GRM5: variants seen among roughly 807,000 people sequenced by gnomAD.
GRM5 encodes metabotropic glutamate receptor 5.
Under a neutral mutation model 83.1 loss-of-function variants are expected in GRM5, and 19 were observed. The ratio of observed to expected loss-of-function variants is 0.23; its 90% CI spans 0.16 to 0.34. GRM5 has a LOEUF of 0.34. Ranked by LOEUF, GRM5 falls within the 10% of genes least tolerant of loss-of-function variation. The pLI, the probability that GRM5 is intolerant of heterozygous loss-of-function variation, is 1.00. For synonymous variants in GRM5, 675 were observed against 633.6 expected, an observed-to-expected ratio of 1.07 and a Z score of -0.98; for missense variants, 1,160 against 1,588.3, an observed-to-expected ratio of 0.73 and a Z score of 4.58.
intron 3 of GRM5, among the ~76,000 whole-genome samples, chr11:88,681,112 T>C (rs1940474532): frequency 6.6e-6 from 1 of 152,190 alleles, no homozygotes; most frequent in South Asian, 2.1e-4. Flanking sequence ...CTCTTGTCAG[T>C]ATTTCAATTT....
intron 4 of GRM5, among the ~76,000 whole-genome samples, chr11:88,625,004 A>G (rs1360788701): frequency 6.6e-6 from 1 of 152,194 alleles, no homozygotes; most frequent in Non-Finnish European, 1.5e-5. Context: ...TATGTGATAC[A>G]GTCTTACCAA....
At chr11:88,966,758 C>G (rs747935483) in intron 2 of GRM5, among the ~76,000 whole-genome samples, 1 of 152,110 alleles carries the variant, frequency 6.6e-6, no homozygotes, top group East Asian at 1.9e-4. Context: ...AGTCTCCCCC[C>G]TGGGTATGAG....
intron 2 of GRM5, among the ~76,000 whole-genome samples, chr11:88,877,847 A>AGC (rs879593420): frequency 0.23 from 33,444 of 145,230 alleles, 4,260 homozygotes; most frequent in South Asian, 0.5. Context: ...AAAAAGCAGA[A>AGC]AGAAAGAAAG....
chr11:88,561,070 G>T (rs1278190425), intron 8 of GRM5, among the ~76,000 whole-genome samples: 1 of 152,072 alleles, frequency 6.6e-6, no homozygotes, highest in African/African-American at 2.4e-5. Context: ...TAAAGAACGA[G>T]AAATAGCATG....
chr11:88,615,519 C>G (rs77545829), intron 4 of GRM5, among the ~76,000 whole-genome samples: 1 of 151,980 alleles, frequency 6.6e-6, no homozygotes, highest in African/African-American at 2.4e-5. Context: ...CATGGCTGAC[C>G]TTTCACCTTC....
chr11:88,524,214 CTTT>C (rs71470770), intron 9 of GRM5, among the ~76,000 whole-genome samples: 7 of 101,382 alleles, frequency 6.9e-5, no homozygotes, highest in African/African-American at 2.7e-4. Context: ...TTCTTTCTTT[CTTT>C]TTTTTTTTTT....
At chr11:88,583,047 T>C (rs1002441508) in intron 7 of GRM5, among the ~76,000 whole-genome samples, 6 of 152,012 alleles carry the variant, frequency 3.9e-5, no homozygotes, top group Non-Finnish European at 5.9e-5. Context: ...CTTAAGATAG[T>C]TATAATAATT....
intron 3 of GRM5, among the ~76,000 whole-genome samples, chr11:88,721,979 A>G (rs1347937778): frequency 2.0e-5 from 3 of 152,154 alleles, no homozygotes; most frequent in African/African-American, 7.2e-5. Context: ...CTAAATGACT[A>G]GTGATATCTA....
At chr11:88,957,503 G>C (rs1402415137) in intron 2 of GRM5, among the ~76,000 whole-genome samples, 1 of 152,206 alleles carries the variant, frequency 6.6e-6, no homozygotes, top group Non-Finnish European at 1.5e-5. Flanking sequence ...AAACAACGGG[G>C]ATGAAGATAA....
chr11:88,549,468 A>T (rs1942456116), intron 8 of GRM5, among the ~76,000 whole-genome samples: 1 of 151,698 alleles, frequency 6.6e-6, no homozygotes, highest in Non-Finnish European at 1.5e-5. Context: ...CCCAAACAAA[A>T]CGAAACAAAC....
At position 88,933,181 on chromosome 11, in the gene GRM5, T is replaced by C. The variant is rs562778431; in HGVS notation, c.662-83026A>G. On this transcript the variant is annotated intron_variant, in intron 2 of 9. Transcript: ENST00000305447. ...ACCTCAGGTCTGCAATTCAAATATT[T>C]GGGGCATTTTTTTTTTTTTTTTTTT... 2.8e-3 allele frequency among the ~76,000 whole-genome samples: 341 copies of C among 121,940 alleles called. 2 individuals are homozygous for C. Among genetic ancestry groups the C allele is most frequent in the African/African-American group, 9.8e-3 (329 of 33,602 alleles). 80.0% of individuals were successfully genotyped at this position (121,940 alleles called of 152,430 possible).
chr11:88,764,253 T>C (rs566449375), intron 3 of GRM5, among the ~76,000 whole-genome samples: 220 of 151,788 alleles, frequency 1.4e-3, no homozygotes, highest in Non-Finnish European at 2.8e-3. Context: ...AGTCCTATCA[T>C]AACGGTTGCA....
chr11:88,634,330 A>G (rs1413833728), intron 4 of GRM5, among the ~76,000 whole-genome samples: 1 of 152,200 alleles, frequency 6.6e-6, no homozygotes, highest in Non-Finnish European at 1.5e-5. Context: ...TGTAACATTT[A>G]CTTTATAAAC....
At position 88,869,457 on chromosome 11, in the gene GRM5, T is replaced by G. The variant is rs181749651; in HGVS notation, c.662-19302A>C. 1.6e-3 allele frequency among the ~76,000 whole-genome samples: 248 copies of G among 151,796 alleles called. 1 individual carries two copies. Among genetic ancestry groups the G allele is most frequent in the African/African-American group, 5.7e-3 (237 of 41,518 alleles). ...AATGACTGTTCATAATCCCTTTTCC[T>G]GGAAATAGATCCCTGTTTCTCTGTT... On this transcript the variant is annotated intron_variant, in intron 2 of 9. Coordinates refer to ENST00000305447, the MANE Select transcript of GRM5 (RefSeq NM_001143831.3).
chr11:88,790,223 A>T (rs932238482), intron 3 of GRM5, among the ~76,000 whole-genome samples: 2 of 152,106 alleles, frequency 1.3e-5, no homozygotes, highest in Non-Finnish European at 2.9e-5. Flanking sequence ...CTCTAAATCC[A>T]TATTTTCTTC....
rs186380160 is a variant in GRM5 at position 88,969,363 on chromosome 11, G to C, written c.661+77849C>G. 4.5e-3 allele frequency among the ~76,000 whole-genome samples: 680 copies of C among 152,042 alleles called. 11 individuals carry two copies. Among genetic ancestry groups the C allele is most frequent in the African/African-American group, 0.015 (635 of 41,482 alleles). ...ATACCCCAAACTAAACCTTCTGCAG[G>C]TAGTTTTAGGTACCAAATTACCCTC... On this transcript the variant is annotated intron_variant, in intron 2 of 9. Coordinates refer to ENST00000305447, the MANE Select transcript of GRM5 (RefSeq NM_001143831.3).
chr11:88,597,323 C>T lies in GRM5; in HGVS notation c.1424G>A (p.Gly475Glu). 32 of 1,545,904 alleles carry T rather than the reference C, an allele frequency of 2.1e-5. No individual in the cohort carries two copies. The highest frequency in any genetic ancestry group is 2.9e-5 in the Non-Finnish European group (32 of 1,122,324). Residue 475 changes from glycine (G) to glutamate (E), a missense_variant, in exon 6 of 10, where the codon GGA (glycine) becomes GAA (glutamate). Gly to Glu is a moderately conservative substitution (Grantham distance 98, BLOSUM62 -2). Coordinates refer to ENST00000305447, the MANE Select transcript of GRM5 (RefSeq NM_001143831.3). ...RYEIMNFKEM[G>E]KDYFDYINVG... ...GTTGATATAATCAAAGTAATCTTTT[C>T]CCATTTCCTTGAAATTCATTATTTC...
At chr11:88,602,854 G>A (rs767414495) in intron 5 of GRM5, among the ~76,000 whole-genome samples, 1 of 152,098 alleles carries the variant, frequency 6.6e-6, no homozygotes, top group Non-Finnish European at 1.5e-5. Flanking sequence ...TTAGTCTTTG[G>A]CTCAGAACAC....
chr11:88,509,634 G>T, intron 9 of GRM5, 130 bp from the exon 10 acceptor site: 1 of 637,110 alleles, frequency 1.6e-6, no homozygotes, highest in Non-Finnish European at 2.7e-6. Context: ...AGGAAACACA[G>T]CATCAAAAGG....
Sources: gnomAD v4.1 joint callset for allele counts (sites outside exome capture counted in the v4.1 genomes callset) on GRCh38, gnomAD v4.1.1 for gene constraint, MANE v1.5 for transcripts, NCBI Gene and HGNC (gene_info 2026-07-23, HGNC 2026-07-21) for gene names.